The following TSGA10 variants were observed in gnomAD, a reference collection of about 807,000 sequenced individuals.
The protein encoded by TSGA10 is testis specific 10, also known as testis-specific gene 10 protein.
A neutral mutation model predicts 96.6 loss-of-function variants in TSGA10; 43 were observed. That is an observed-to-expected ratio of 0.44 (90% CI 0.35 to 0.57). The LOEUF is 0.57. TSGA10 is among the 20% of genes least tolerant of loss of function. The pLI, the probability that TSGA10 is intolerant of heterozygous loss-of-function variation, is 0.01. For missense variants in TSGA10, 703 were observed against 834.4 expected (o/e 0.84, Z 1.94); for synonymous variants, 229 against 269.9 (o/e 0.85, Z 1.48).
chr2:99,074,096 T>G (rs965086375), intron 12 of TSGA10, among the ~76,000 whole-genome samples: 2 of 133,842 alleles, frequency 1.5e-5, no homozygotes, highest in Non-Finnish European at 3.1e-5. Flanking sequence ...CACTGCAACC[T>G]CCGCCTCCCA....
chr2:99,039,737 A>C (rs1285322439), intron 16 of TSGA10, among the ~76,000 whole-genome samples: 1 of 152,180 alleles, frequency 6.6e-6, no homozygotes, highest in African/African-American at 2.4e-5. Flanking sequence ...TCCACAAGGC[A>C]GAGAAAGAGA....
At chr2:99,095,918 CGT>C (rs2089986509) in intron 10 of TSGA10, among the ~76,000 whole-genome samples, 1 of 152,138 alleles carries the variant, frequency 6.6e-6, no homozygotes, top group Non-Finnish European at 1.5e-5. Context: ...GGATTACAGG[CGT>C]GAGCCACTGT....
At chr2:99,083,968 G>A (rs2087895394) in intron 10 of TSGA10, among the ~76,000 whole-genome samples, 1 of 152,256 alleles carries the variant, frequency 6.6e-6, no homozygotes, top group Non-Finnish European at 1.5e-5. Flanking sequence ...CAATTTTCTG[G>A]CTTTGATATT....
In TSGA10 at chr2:99,052,743, A is replaced by T. The variant is rs558565212; in HGVS notation, c.1404+12196T>A. Among the ~76,000 whole-genome samples the T allele has an allele frequency of 1.4e-4, 20 of 147,230 alleles. No individual in the cohort carries two copies. In the South Asian group the frequency reaches 3.2e-3, roughly 24 times the overall value. On this transcript the variant is annotated intron_variant, in intron 16 of 20. Coordinates refer to ENST00000393483, the MANE Select transcript of TSGA10 (RefSeq NM_025244.4). The stretch of plus-strand genomic sequence containing the variant: ...ACAGAGCGAGACTCCATCTCAATTT[A>T]AAAAAAAAAATTAAAATAAATAAAT...
At chr2:99,109,094 T>C (rs2091601992) in intron 6 of TSGA10, 103 bp from the exon 7 acceptor site, 7 of 921,392 alleles carry the variant, frequency 7.6e-6, no homozygotes, top group South Asian at 6.4e-5. Flanking sequence ...AATAAGACTA[T>C]ATAATGAAAG....
At chr2:99,105,288 G>A (rs2091224742) in intron 9 of TSGA10, 71 bp downstream of exon 9, 1 of 1,309,142 alleles carries the variant, frequency 7.6e-7, no homozygotes. Flanking sequence ...TCTGAATACA[G>A]AAAAAGGAGA....
At chr2:99,031,959 T>C (rs971912249) in intron 17 of TSGA10, among the ~76,000 whole-genome samples, 2 of 152,198 alleles carry the variant, frequency 1.3e-5, no homozygotes, top group Non-Finnish European at 2.9e-5. Flanking sequence ...GCAGAGAGGT[T>C]TGACTGCACA....
At chr2:99,065,268 T>C in intron 15 of TSGA10, 144 bp from the exon 16 acceptor site, 1 of 870,746 alleles carries the variant, frequency 1.1e-6, no homozygotes, top group Non-Finnish European at 1.7e-6. Context: ...ACTCTTAGTT[T>C]AGAAAACAGG....
At position 99,081,264 on chromosome 2, in the gene TSGA10, T is replaced by C. The variant is rs761291877; in HGVS notation, c.727+18A>G. 46 of 1,368,810 alleles carry C rather than the reference T, an allele frequency of 3.4e-5. No homozygotes were observed. Among genetic ancestry groups the C allele is most frequent in the Non-Finnish European group, 4.5e-5 (45 of 989,338 alleles). 84.8% of individuals were successfully genotyped at this position (1,368,810 alleles called of 1,614,324 possible). Reference sequence around the variant, plus strand: ...ACTTAAGAAAAACTAAAAGTAATATTAAGAGAAAAAAACTCACCAATTTTT... The same window carrying C: ...ACTTAAGAAAAACTAAAAGTAATATCAAGAGAAAAAAACTCACCAATTTTT... On this transcript the variant is annotated intron_variant, in intron 11 of 20. Transcript: ENST00000393483.
intron 20 of TSGA10, among the ~76,000 whole-genome samples, chr2:99,001,804 G>A (rs1183864858): frequency 6.6e-6 from 1 of 152,172 alleles, no homozygotes; most frequent in Non-Finnish European, 1.5e-5. Context: ...ACCTGACGGA[G>A]CTAAAAACCA....
chr2:99,030,450 C>T (rs900996888), intron 17 of TSGA10, among the ~76,000 whole-genome samples: 2 of 152,130 alleles, frequency 1.3e-5, no homozygotes, highest in Admixed American at 6.5e-5. Context: ...AAGTTCGAGA[C>T]CAGCCTGGGC....
chr2:99,065,315 G>T (rs1015292568), intron 15 of TSGA10, among the ~76,000 whole-genome samples, 191 bp from the exon 16 acceptor site: 1 of 152,148 alleles, frequency 6.6e-6, no homozygotes, highest in African/African-American at 2.4e-5. Context: ...ATCAGCATCT[G>T]CCCTGGCTCC....
intron 1 of TSGA10, among the ~76,000 whole-genome samples, chr2:99,128,809 C>T (rs2092944583): frequency 2.6e-5 from 4 of 152,190 alleles, no homozygotes; most frequent in Non-Finnish European, 4.4e-5. Flanking sequence ...CCCAGGTTGG[C>T]ATGATCACGG....
At chr2:99,015,903 A>C (rs189502695) in intron 20 of TSGA10, among the ~76,000 whole-genome samples, 174 of 152,284 alleles carry the variant, frequency 1.1e-3, no homozygotes, top group African/African-American at 3.7e-3. Context: ...ATGGCAGCAA[A>C]AAACAAACAA....
intron 10 of TSGA10, among the ~76,000 whole-genome samples, chr2:99,086,111 A>ACC (rs1399009671): frequency 6.6e-6 from 1 of 150,446 alleles, no homozygotes; most frequent in African/African-American, 2.5e-5. Flanking sequence ...CTGTACAACA[A>ACC]ACACCCATGA....
chr2:99,046,482 T>A (rs552348672), intron 16 of TSGA10, among the ~76,000 whole-genome samples: 2 of 152,068 alleles, frequency 1.3e-5, no homozygotes, highest in Admixed American at 6.6e-5. Flanking sequence ...ACTGGGTACA[T>A]AACGAAATGA....
chr2:99,136,521 G>GA (rs1208354163), intron 1 of TSGA10, among the ~76,000 whole-genome samples: 10 of 27,300 alleles, frequency 3.7e-4, no homozygotes, highest in South Asian at 1.4e-3. Context: ...ATTTCTGCCG[G>GA]GCGCGGTGGC....
intron 20 of TSGA10, among the ~76,000 whole-genome samples, chr2:99,017,093 C>A (rs1390107204): frequency 6.6e-6 from 1 of 152,170 alleles, no homozygotes; most frequent in African/African-American, 2.4e-5. Context: ...GAAAACAGTA[C>A]AGAGATTCCA....
chr2:99,140,750 A>T (rs768023851), intron 1 of TSGA10, among the ~76,000 whole-genome samples: 18 of 152,088 alleles, frequency 1.2e-4, no homozygotes, highest in Non-Finnish European at 2.5e-4. Flanking sequence ...TGACTTCCAA[A>T]TTCCTCGGCT....
Sources: gnomAD v4.1 joint callset for allele counts (sites outside exome capture counted in the v4.1 genomes callset) on GRCh38, gnomAD v4.1.1 for gene constraint, MANE v1.5 for transcripts, NCBI Gene and HGNC (gene_info 2026-07-23, HGNC 2026-07-21) for gene names.